Variants in PCDHGA1 observed in about 807,000 individuals in gnomAD.
The protein encoded by PCDHGA1 is protocadherin gamma-A1.
A neutral mutation model predicts 58.0 loss-of-function variants in PCDHGA1; 32 were observed. That is an observed-to-expected ratio of 0.55 (90% CI 0.42 to 0.74). The LOEUF (loss-of-function observed/expected upper bound fraction) is 0.74, where lower values mean the gene tolerates loss of function less well. Among genes scored for constraint, PCDHGA1 ranks in the 30% least tolerant of loss-of-function variants. PCDHGA1 has a pLI of 0.00. For synonymous variants in PCDHGA1, 498 were observed against 501.1 expected (o/e 0.99, Z 0.08); for missense variants, 1,205 against 1,182.3 (o/e 1.02, Z -0.28).
intron 1 of PCDHGA1, chr5:141,393,317 G>C (rs927337267): frequency 6.2e-7 from 1 of 1,612,904 alleles, no homozygotes; most frequent in South Asian, 1.1e-5. Flanking sequence ...ACTCCCTCCA[G>C]AGCTACCAGC....
At chr5:141,356,373 A>G (rs1377588447) in intron 1 of PCDHGA1, 22 of 1,562,508 alleles carry the variant, frequency 1.4e-5, no homozygotes, top group Non-Finnish European at 1.8e-5. Context: ...ATAATCTGCC[A>G]TTCACACTTG....
At chr5:141,335,003 C>T (rs891538183) in intron 1 of PCDHGA1, among the ~76,000 whole-genome samples, 2 of 152,206 alleles carry the variant, frequency 1.3e-5, no homozygotes, top group Non-Finnish European at 2.9e-5. Context: ...TTTATTGTTA[C>T]TAGTGAGAAA....
intron 1 of PCDHGA1, chr5:141,420,276 T>C: frequency 6.6e-7 from 1 of 1,523,250 alleles, no homozygotes; most frequent in Non-Finnish European, 8.9e-7. Context: ...CTTAAACAGG[T>C]AAGTATTTAA....
intron 1 of PCDHGA1, among the ~76,000 whole-genome samples, chr5:141,482,326 G>T (rs982211258): frequency 6.6e-6 from 1 of 152,072 alleles, no homozygotes. Context: ...AAAATAAAGA[G>T]AATATCTACT....
intron 1 of PCDHGA1, chr5:141,412,862 T>A (rs957973834): frequency 7.5e-5 from 18 of 241,156 alleles, no homozygotes; most frequent in African/African-American, 3.4e-4. Context: ...AAAGAATCTA[T>A]GTAAAATATA....
chr5:141,414,778 C>T (rs1346896593), intron 1 of PCDHGA1: 12 of 1,614,202 alleles, frequency 7.4e-6, no homozygotes, highest in Non-Finnish European at 1.0e-5. Context: ...GCTACAGATG[C>T]AGGTGACAGC....
At chr5:141,420,006 GAC>G (rs745722189) in intron 1 of PCDHGA1, 1 of 1,613,936 alleles carries the variant, frequency 6.2e-7, no homozygotes, top group African/African-American at 1.3e-5. Flanking sequence ...CTACGCCTGC[GAC>G]AGTCTTTCAG....
At chr5:141,416,400 C>CT (rs1028319330) in intron 1 of PCDHGA1, 1 of 152,036 alleles carries the variant, frequency 6.6e-6, no homozygotes, top group African/African-American at 2.4e-5. Flanking sequence ...CTGCTTTTGT[C>CT]TTTTTTGTTA....
chr5:141,370,357 C>G, intron 1 of PCDHGA1: 2 of 1,511,536 alleles, frequency 1.3e-6, no homozygotes, highest in East Asian at 2.3e-5. Flanking sequence ...AAGATCTCCT[C>G]TCCTCGGATT....
At chr5:141,445,524 TA>T (rs1180348783) in intron 1 of PCDHGA1, among the ~76,000 whole-genome samples, 1 of 152,192 alleles carries the variant, frequency 6.6e-6, no homozygotes, top group Admixed American at 6.5e-5. Flanking sequence ...ACAGGTCTGA[TA>T]AAAGCCAACA....
intron 1 of PCDHGA1, among the ~76,000 whole-genome samples, chr5:141,363,275 AT>A (rs1762863726): frequency 6.6e-6 from 1 of 152,224 alleles, no homozygotes; most frequent in Admixed American, 6.5e-5. Flanking sequence ...TTGCTTTTGA[AT>A]TTCCTAATTA....
chr5:141,415,325 C>A (rs1046074461), intron 1 of PCDHGA1: 2 of 1,614,094 alleles, frequency 1.2e-6, no homozygotes, highest in Non-Finnish European at 1.7e-6. Context: ...GTGCTGCTGG[C>A]GCACAGGCTG....
In PCDHGA1 at chr5:141,364,723, G is replaced by A. The variant is rs746438679; in HGVS notation, c.2421+31618G>A. On this transcript the variant is annotated intron_variant, in intron 1 of 3. Coordinates refer to ENST00000517417, the MANE Select transcript of PCDHGA1 (RefSeq NM_018912.3). ...TAATCGATATTAATGATAACTTCCC[G>A]CGTTTCCGGGATGAAGAGTTAAAAG... 4 of 1,613,938 alleles carry A rather than the reference G, an allele frequency of 2.5e-6. No homozygotes were observed. The East Asian group carries it at 6.7e-5, about 27-fold the overall frequency.
chr5:141,408,641 T>C, intron 1 of PCDHGA1: 1 of 1,614,034 alleles, frequency 6.2e-7, no homozygotes, highest in Non-Finnish European at 8.5e-7. Context: ...CGAATCTGCA[T>C]CCGCTGGTAC....
rs532631149 is a variant in PCDHGA1, at chr5:141,506,489, C to A, written c.2569+1008C>A. On this transcript the variant is annotated intron_variant, in intron 3 of 3. Transcript: ENST00000517417. ...AAGAGCACAGGCTTTAGAGGCAGGC[C>A]AATCTGGATTCAAATCCTGGCACCT... 1.9e-4 allele frequency among the ~76,000 whole-genome samples: 29 copies of A among 150,750 alleles called. 1 individual carries two copies. In the South Asian group the frequency reaches 5.9e-3, roughly 31 times the overall value.
At position 141,491,289 on chromosome 5, in the gene PCDHGA1, C is replaced by T. The variant is rs2099710219; in HGVS notation, c.2422-3518C>T. ...CCAAATCCAGTGACTTCCTCATACA[C>T]CCTCCTGAGCGTTCAGACCTTACCC... On this transcript the variant is annotated intron_variant, in intron 1 of 3. Transcript: ENST00000517417. The surrounding 1 kb of genome is among the most constrained non-coding windows in gnomAD (Gnocchi z 6.9). 2 of 1,614,112 alleles carry T rather than the reference C, an allele frequency of 1.2e-6. No homozygotes were observed. The highest frequency in any genetic ancestry group is 1.7e-6 in the Non-Finnish European group (2 of 1,179,942).
intron 1 of PCDHGA1, chr5:141,340,200 T>G (rs1756916609): frequency 6.2e-7 from 1 of 1,614,202 alleles, no homozygotes; most frequent in East Asian, 2.2e-5. Flanking sequence ...ACCAGAGCCC[T>G]TGACAGGGAA....
intron 1 of PCDHGA1, chr5:141,428,308 G>A (rs2097132099): frequency 1.5e-6 from 1 of 685,734 alleles, no homozygotes; most frequent in Non-Finnish European, 2.6e-6. Context: ...TTACCTGGTC[G>A]TGGCCTTGGC....
At chr5:141,403,344 C>T (rs1307550469) in intron 1 of PCDHGA1, 10 of 1,613,916 alleles carry the variant, frequency 6.2e-6, no homozygotes, top group Non-Finnish European at 8.5e-6. Context: ...GACAGCGCCC[C>T]AAAGTTCCAG....
Sources: allele counts gnomAD v4.1 joint callset (sites outside exome capture counted in the v4.1 genomes callset), GRCh38; gene constraint gnomAD v4.1.1; non-coding constraint Gnocchi (gnomAD v3.1); transcripts MANE v1.5; gene names NCBI Gene and HGNC (gene_info 2026-07-23, HGNC 2026-07-21).